Variants in CPVL observed in about 807,000 individuals in gnomAD.
CPVL encodes the protein carboxypeptidase vitellogenic like, also known as probable serine carboxypeptidase CPVL.
A neutral mutation model predicts 63.7 loss-of-function variants in CPVL; 51 were observed. That is an observed-to-expected ratio of 0.80 (90% CI 0.64 to 1.01). CPVL has a LOEUF of 1.01. Among genes scored for constraint, CPVL ranks in the 50% least tolerant of loss-of-function variants. The pLI is 0.00. For missense variants in CPVL, 530 were observed against 573.1 expected (o/e 0.92, Z 0.77); for synonymous variants, 195 against 206.0 (o/e 0.95, Z 0.46).
intron 3 of CPVL, among the ~76,000 whole-genome samples, chr7:29,096,802 A>T (rs1021999818): frequency 6.6e-6 from 1 of 151,902 alleles, no homozygotes; most frequent in Non-Finnish European, 1.5e-5. Context: ...TGGCCAACAT[A>T]GTGAAACCCT....
intron 11 of CPVL, among the ~76,000 whole-genome samples, chr7:29,049,621 T>C (rs1481773327): frequency 6.6e-6 from 1 of 152,152 alleles, no homozygotes; most frequent in Non-Finnish European, 1.5e-5. Flanking sequence ...TTTAATACTA[T>C]TCCACGACAT....
At chr7:29,020,988 C>T (rs891720182) in intron 12 of CPVL, among the ~76,000 whole-genome samples, 1 of 151,982 alleles carries the variant, frequency 6.6e-6, no homozygotes, top group African/African-American at 2.4e-5. Context: ...ACAGCCTGGC[C>T]AACAAGGTGA....
intron 5 of CPVL, among the ~76,000 whole-genome samples, chr7:29,161,842 C>G (rs184309878): frequency 6.6e-6 from 1 of 152,200 alleles, no homozygotes; most frequent in Admixed American, 6.5e-5. Flanking sequence ...AGAAAACAAT[C>G]TGATTTTTAA....
chr7:29,071,719 C>T, intron 9 of CPVL, 54 bp downstream of exon 9: 3 of 1,068,952 alleles, frequency 2.8e-6, no homozygotes, highest in Non-Finnish European at 4.0e-6. Flanking sequence ...ACCCGCCCTC[C>T]CTCCCCAGAT....
At chr7:29,117,105 A>G (rs1001390834) in intron 2 of CPVL, among the ~76,000 whole-genome samples, 1 of 152,224 alleles carries the variant, frequency 6.6e-6, no homozygotes, top group Non-Finnish European at 1.5e-5. Context: ...CAGCCACTTA[A>G]AATTCTGTTC....
At chr7:29,023,609 A>G (rs1297332324) in intron 12 of CPVL, among the ~76,000 whole-genome samples, 1 of 152,122 alleles carries the variant, frequency 6.6e-6, no homozygotes, top group East Asian at 1.9e-4. Context: ...CTGGGAACCC[A>G]AGAAACAGCA....
intron 9 of CPVL, among the ~76,000 whole-genome samples, chr7:29,066,586 AG>A (rs1783157683): frequency 6.6e-6 from 1 of 152,214 alleles, no homozygotes; most frequent in African/African-American, 2.4e-5. Flanking sequence ...ATCTAGGGGA[AG>A]GAAGGTTCCA....
At chr7:29,185,036 G>A (rs1798542564) in intron 3 of CPVL, among the ~76,000 whole-genome samples, 1 of 152,132 alleles carries the variant, frequency 6.6e-6, no homozygotes, top group Admixed American at 6.5e-5. Context: ...TCCAAGCTGA[G>A]GGTTTTATTT....
intron 3 of CPVL, among the ~76,000 whole-genome samples, chr7:29,102,565 C>T (rs909791120): frequency 9.9e-5 from 15 of 152,016 alleles, no homozygotes; most frequent in African/African-American, 2.9e-4. Context: ...TAAAAGGGAA[C>T]GGACAAAAAA....
At chr7:29,108,799 C>T (rs1310972312) in intron 3 of CPVL, among the ~76,000 whole-genome samples, 1 of 152,188 alleles carries the variant, frequency 6.6e-6, no homozygotes, top group Non-Finnish European at 1.5e-5. Flanking sequence ...CCCAAGGTCA[C>T]CTTTAGCTTA....
chr7:29,189,483 AGCAG>A (rs1381694760), intron 1 of CPVL, among the ~76,000 whole-genome samples: 2 of 152,190 alleles, frequency 1.3e-5, no homozygotes, highest in East Asian at 3.9e-4. Flanking sequence ...TTTTGCCCAG[AGCAG>A]GCTTACAGCT....
intron 12 of CPVL, among the ~76,000 whole-genome samples, chr7:29,004,863 A>T (rs538031255): frequency 6.6e-6 from 1 of 151,660 alleles, no homozygotes; most frequent in South Asian, 2.1e-4. Flanking sequence ...GATGCAGGGC[A>T]TCTGGTCTAC....
chr7:29,153,171 A>G (rs1311407895), intron 5 of CPVL, among the ~76,000 whole-genome samples: 4 of 152,226 alleles, frequency 2.6e-5, no homozygotes, highest in African/African-American at 9.6e-5. Flanking sequence ...TATTTCATTT[A>G]ACAGTTTGTT....
chr7:29,008,653 A>C (rs956915780), intron 12 of CPVL, among the ~76,000 whole-genome samples: 5 of 152,058 alleles, frequency 3.3e-5, no homozygotes, highest in Admixed American at 1.3e-4. Flanking sequence ...CTTTTTTGCT[A>C]GTTCTTGTGG....
At chr7:29,187,375 G>A (rs1279571451) in intron 1 of CPVL, among the ~76,000 whole-genome samples, 1 of 152,030 alleles carries the variant, frequency 6.6e-6, no homozygotes, top group Non-Finnish European at 1.5e-5. Flanking sequence ...GACAAAGAGA[G>A]AGACAGAGAG....
intron 11 of CPVL, among the ~76,000 whole-genome samples, chr7:29,056,244 C>A (rs554458572): frequency 6.6e-6 from 1 of 152,280 alleles, no homozygotes; most frequent in South Asian, 2.1e-4. Context: ...TGGTGTTATG[C>A]GGTCCATGGG....
chr7:29,018,190 T>C (rs1390965260), intron 12 of CPVL, among the ~76,000 whole-genome samples: 1 of 152,044 alleles, frequency 6.6e-6, no homozygotes, highest in Non-Finnish European at 1.5e-5. Flanking sequence ...GCTCAATGAC[T>C]CAACATTTTT....
At chr7:29,085,650 T>G (rs1160046064) in intron 7 of CPVL, among the ~76,000 whole-genome samples, 1 of 152,172 alleles carries the variant, frequency 6.6e-6, no homozygotes. Context: ...ATTACAAACA[T>G]AAACAGGTGC....
chr7:29,027,563 C>G (rs996182301), intron 12 of CPVL, among the ~76,000 whole-genome samples: 3 of 152,078 alleles, frequency 2.0e-5, no homozygotes, highest in African/African-American at 7.2e-5. Context: ...CTGACACGAT[C>G]TTTTATACAG....
Sources: gnomAD v4.1 joint callset for allele counts (sites outside exome capture counted in the v4.1 genomes callset) on GRCh38, gnomAD v4.1.1 for gene constraint, MANE v1.5 for transcripts, NCBI Gene and HGNC (gene_info 2026-07-23, HGNC 2026-07-21) for gene names.